MYH14: variants seen among roughly 807,000 people sequenced by gnomAD.
MYH14 encodes the protein myosin heavy chain 14, also known as myosin-14.
Under a neutral mutation model 255.5 loss-of-function variants are expected in MYH14, and 123 were observed. That is an observed-to-expected ratio of 0.48 (90% CI 0.42 to 0.56). The LOEUF is 0.56. Among genes scored for constraint, MYH14 ranks in the 20% least tolerant of loss-of-function variants. MYH14 has a pLI of 0.00. For missense variants in MYH14, 2,423 were observed against 2,802.3 expected (o/e 0.86, Z 3.06); for synonymous variants, 1,095 against 1,161.2 (o/e 0.94, Z 1.16).
chr19:50,223,160 G>A lies in MYH14; in HGVS notation c.590+50G>A, dbSNP rs149062611. On this transcript the variant is annotated intron_variant, in intron 4 of 42. Transcript: ENST00000642316. ...GGAGGAGGAGAGGTCTGGGTGGGGC[G>A]TGGCTGTGTTTGGAATGGGCAGGGC... 5.7e-4 allele frequency: 916 copies of A among 1,610,434 alleles called. 10 individuals carry two copies. The East Asian group carries it at 0.017, about 30-fold the overall frequency.
At chr19:50,306,979 C>T (rs2036673232) in intron 40 of MYH14, 70 bp from the exon 41 acceptor site, 1 of 1,119,420 alleles carries the variant, frequency 8.9e-7, no homozygotes, top group African/African-American at 1.5e-5. Context: ...ACAGCCACTG[C>T]ATGAGTCTAT....
intron 27 of MYH14, among the ~76,000 whole-genome samples, chr19:50,273,387 A>C (rs1182458947): frequency 1.3e-5 from 2 of 151,870 alleles, no homozygotes; most frequent in Non-Finnish European, 2.9e-5. Context: ...AGATTTGCCA[A>C]GTGGCCTATG....
In MYH14 at chr19:50,210,362, G is replaced by T; in HGVS notation, c.-3-1G>T. ...CCCACCCTCTTTCTTTGCCCCTGCA[G>T]ACCATGGCAGCCGTGACCATGTCGG... On this transcript the variant is annotated splice_acceptor_variant, in intron 1 of 42. Transcript: ENST00000642316. LOFTEE classifies it low-confidence loss of function (5UTR_SPLICE). 2 of 1,586,076 alleles carry T rather than the reference G, an allele frequency of 1.3e-6. No individual in the cohort carries two copies. Among genetic ancestry groups the T allele is most frequent in the South Asian group, 2.3e-5 (2 of 87,528 alleles).
rs1204372043 is a variant in MYH14, at chr19:50,284,793, G to A, written c.4540-1689G>A. 4 of 151,814 alleles carry A rather than the reference G, an allele frequency of 2.6e-5. No individual in the cohort carries two copies. In the East Asian group the frequency reaches 5.8e-4, roughly 22 times the overall value. 9.4% of individuals were successfully genotyped at this position (151,814 alleles called of 1,614,324 possible). ...ACATATGATGCTATCATGGCTCCAT[G>A]TTAATTTTTGTGAATATAAATATCC... On this transcript the variant is annotated intron_variant, in intron 33 of 42. Coordinates refer to ENST00000642316, the MANE Select transcript of MYH14 (RefSeq NM_001145809.2).
intron 9 of MYH14, 76 bp from the exon 10 acceptor site, chr19:50,231,843 ATGTCCTGGGAT>A (rs1173186286): frequency 6.4e-7 from 1 of 1,557,824 alleles, no homozygotes. Context: ...AGGATATGGC[ATGTCCTGGGAT>A]TGCCACCGAT....
At chr19:50,219,282 T>C (rs1027774888) in intron 3 of MYH14, among the ~76,000 whole-genome samples, 1 of 151,832 alleles carries the variant, frequency 6.6e-6, no homozygotes, top group African/African-American at 2.4e-5. Context: ...ATAGCTTCTT[T>C]TCCTCTGGGT....
intron 1 of MYH14, among the ~76,000 whole-genome samples, chr19:50,208,241 C>T (rs2031935281): frequency 6.6e-6 from 1 of 152,114 alleles, no homozygotes; most frequent in African/African-American, 2.4e-5. Context: ...ATGGTGAAAC[C>T]CCATCTCTAC....
At chr19:50,282,998 A>G (rs2035776115) in intron 33 of MYH14, among the ~76,000 whole-genome samples, 1 of 152,124 alleles carries the variant, frequency 6.6e-6, no homozygotes. Context: ...CTCCAAATAC[A>G]TATGATTTGA....
intron 22 of MYH14, among the ~76,000 whole-genome samples, chr19:50,264,594 G>T (rs1407282983): frequency 6.6e-6 from 1 of 151,766 alleles, no homozygotes; most frequent in Admixed American, 6.6e-5. Flanking sequence ...ACGTCAGTAT[G>T]CAGTGTTCTG....
At chr19:50,284,332 T>C (rs1160364450) in intron 33 of MYH14, among the ~76,000 whole-genome samples, 1 of 151,970 alleles carries the variant, frequency 6.6e-6, no homozygotes, top group Non-Finnish European at 1.5e-5. Flanking sequence ...ACAAAGGTTT[T>C]ATCCTGGTTT....
At position 50,213,391 on chromosome 19, in the gene MYH14, C is replaced by T. The variant is rs1041596966; in HGVS notation, c.405+2621C>T. 2.0e-5 allele frequency among the ~76,000 whole-genome samples: 3 copies of T among 152,294 alleles called. No individual in the cohort carries two copies. In the Middle Eastern group the frequency reaches 0.01, roughly 518 times the overall value. On this transcript the variant is annotated intron_variant, in intron 2 of 42. Transcript: ENST00000642316. The stretch of plus-strand genomic sequence containing the variant: ...CATAAGCCCCACAACTAGGAACCAG[C>T]TAAGCTAGAACTTGAAACCAGGTCA...
chr19:50,276,288 C>G lies in MYH14; in HGVS notation c.3680+85C>G, dbSNP rs2035506699. 2 of 1,063,970 alleles carry G rather than the reference C, an allele frequency of 1.9e-6. No homozygotes were observed. The highest frequency in any genetic ancestry group is 2.6e-6 in the Non-Finnish European group (2 of 756,504). 65.9% of individuals were successfully genotyped at this position (1,063,970 alleles called of 1,614,324 possible). On this transcript the variant is annotated intron_variant, in intron 28 of 42. Coordinates refer to ENST00000642316, the MANE Select transcript of MYH14 (RefSeq NM_001145809.2). This position sits in a 1 kb window ranked among gnomAD's most constrained non-coding sequence, Gnocchi z 4.3. Reference sequence around the variant, plus strand: ...CTTAGGTACAAAGTCTCTGTCTATACAGAGGCTTACTTATTGTACAGTTGT... The same window carrying G: ...CTTAGGTACAAAGTCTCTGTCTATAGAGAGGCTTACTTATTGTACAGTTGT...
Position 50,252,764 on chromosome 19 carries a change from A to G in MYH14, c.1945+11A>G. ...AGATCTGGAAAGACGGTGAGGACCC[A>G]CTTCCCCCACCCCGGCTCTAGGGGT... On this transcript the variant is annotated intron_variant, in intron 16 of 42. Coordinates refer to ENST00000642316, the MANE Select transcript of MYH14 (RefSeq NM_001145809.2). This position sits in a 1 kb window ranked among gnomAD's most constrained non-coding sequence, Gnocchi z 4.2. 6.5e-7 allele frequency: 1 copy of G among 1,550,374 alleles called. No individual in the cohort carries two copies. Among genetic ancestry groups the G allele is most frequent in the Non-Finnish European group, 8.8e-7 (1 of 1,140,172 alleles).
At chr19:50,247,785 G>C (rs889324600) in intron 12 of MYH14, among the ~76,000 whole-genome samples, 13 of 152,022 alleles carry the variant, frequency 8.6e-5, no homozygotes, top group Non-Finnish European at 1.6e-4. Context: ...GGTCAGTGAG[G>C]CCGGGTGTGG....
chr19:50,255,060 C>G (rs1412968719), intron 16 of MYH14, among the ~76,000 whole-genome samples, 160 bp from the exon 17 acceptor site: 2 of 152,210 alleles, frequency 1.3e-5, no homozygotes, highest in African/African-American at 4.8e-5. Context: ...GGCCAACATT[C>G]TGGTTTTCCA....
At chr19:50,248,077 GAAAAGAAA>G (rs2034204327) in intron 12 of MYH14, among the ~76,000 whole-genome samples, 3 of 136,332 alleles carry the variant, frequency 2.2e-5, no homozygotes, top group Admixed American at 1.5e-4. Flanking sequence ...AAAAAAAAAA[GAAAAGAAA>G]AAAAGAAAAT....
At chr19:50,259,077 A>G in intron 18 of MYH14, 67 bp from the exon 19 acceptor site, 1 of 1,511,778 alleles carries the variant, frequency 6.6e-7, no homozygotes, top group Non-Finnish European at 8.9e-7. Flanking sequence ...GGAAATTGCC[A>G]AGCTTGACCG....
intron 11 of MYH14, among the ~76,000 whole-genome samples, chr19:50,244,763 C>G (rs1356679891): frequency 1.3e-5 from 2 of 152,000 alleles, no homozygotes; most frequent in African/African-American, 4.8e-5. Context: ...GATTACAGGC[C>G]TGAGCCACCG....
At chr19:50,234,462 A>G (rs1348664697) in intron 10 of MYH14, among the ~76,000 whole-genome samples, 1 of 152,178 alleles carries the variant, frequency 6.6e-6, no homozygotes, top group African/African-American at 2.4e-5. Flanking sequence ...TGTTGGCTCC[A>G]GGGCCGGATT....
Sources: gnomAD v4.1 joint callset for allele counts (sites outside exome capture counted in the v4.1 genomes callset) on GRCh38, gnomAD v4.1.1 for gene constraint, Gnocchi (gnomAD v3.1) non-coding constraint, MANE v1.5 for transcripts, NCBI Gene and HGNC (gene_info 2026-07-23, HGNC 2026-07-21) for gene names.